SPTA1: variants seen among roughly 807,000 people sequenced by gnomAD.
The protein encoded by SPTA1 is spectrin alpha, erythrocytic 1.
In SPTA1, 177 loss-of-function variants were observed where a neutral mutation model predicts 324.7. That is an observed-to-expected ratio of 0.55 (90% CI 0.48 to 0.62). SPTA1 has a LOEUF of 0.62. SPTA1 is among the 20% of genes least tolerant of loss of function. SPTA1 has a pLI of 0.00. For synonymous variants in SPTA1, 1,195 were observed against 1,041.3 expected (o/e 1.15, Z -2.84); for missense variants, 3,162 against 2,883.6 (o/e 1.10, Z -2.21).
intron 2 of SPTA1, among the ~76,000 whole-genome samples, chr1:158,683,824 A>C (rs201405930): frequency 1.5e-5 from 2 of 136,724 alleles, no homozygotes; most frequent in African/African-American, 5.2e-5. Context: ...GAGAAAGATG[A>C]TAGTTATAAT....
chr1:158,642,885 G>C lies in SPTA1; in HGVS notation c.4534C>G (p.Leu1512Val). The change falls in exon 32 of 52, where the codon CTG becomes GTG. Residue 1512 changes from leucine to valine, a missense_variant. Physicochemically the swap from Leu to Val is conservative, Grantham distance 32. Transcript: ENST00000643759. ...LKQFYRDLEE[L>V]EEWISEMLPT... ...AGCATCTCACTGATCCATTCTTCCA[G>C]CTCCTCAAGGTCTCGGTAGAATTGT... is the stretch of plus-strand genomic sequence containing the variant. 6.2e-7 allele frequency: 1 copy of C among 1,613,762 alleles called. No homozygotes were observed. The highest frequency in any genetic ancestry group is 8.5e-7 in the Non-Finnish European group (1 of 1,179,820).
In SPTA1 at chr1:158,666,379, C is replaced by A; in HGVS notation, c.2157G>T (p.Leu719=). 1.2e-6 allele frequency: 2 copies of A among 1,613,938 alleles called. No individual in the cohort carries two copies. The highest frequency in any genetic ancestry group is 3.3e-4 in the Middle Eastern group (2 of 6,060). Reference sequence around the variant, plus strand: ...TCCTGAGTCGATTCTGTACCTCGGCCAGGCCTTTCCCATAATCCTCAGAGG... The same window carrying A: ...TCCTGAGTCGATTCTGTACCTCGGCAAGGCCTTTCCCATAATCCTCAGAGG... The part of the protein sequence containing the change: ...QVTSEDYGKG[L]AEVQNRLRKH... The change falls in exon 16 of 52, where the codon CTG becomes CTT. Residue 719 remains leucine (L), a synonymous_variant. Transcript: ENST00000643759.
At chr1:158,661,098 G>A (rs2101888117) in intron 18 of SPTA1, among the ~76,000 whole-genome samples, 189 bp downstream of exon 18, 1 of 152,224 alleles carries the variant, frequency 6.6e-6, no homozygotes, top group Non-Finnish European at 1.5e-5. Flanking sequence ...TCACAGGATT[G>A]GAATATTCCT....
At chr1:158,668,637 C>T (rs1187266374) in intron 14 of SPTA1, among the ~76,000 whole-genome samples, 1 of 152,120 alleles carries the variant, frequency 6.6e-6, no homozygotes, top group Non-Finnish European at 1.5e-5. Flanking sequence ...AAGCCTAATT[C>T]TCATCCTGAT....
At chr1:158,639,509 C>A (rs1045513406) in intron 35 of SPTA1, 73 bp downstream of exon 35, 2 of 1,489,960 alleles carry the variant, frequency 1.3e-6, no homozygotes, top group Non-Finnish European at 1.9e-6. Context: ...CAAATGGTCT[C>A]CTAACATGGG....
chr1:158,613,005 GA>G (rs1262397222), intron 50 of SPTA1, 44 bp from the exon 51 acceptor site: 2 of 1,606,254 alleles, frequency 1.2e-6, no homozygotes, highest in South Asian at 2.2e-5. Context: ...TCAAGGCAGA[GA>G]AGGAAGTCCC....
intron 39 of SPTA1, among the ~76,000 whole-genome samples, chr1:158,629,374 G>T (rs1650529577): frequency 6.6e-6 from 1 of 151,728 alleles, no homozygotes; most frequent in Admixed American, 6.6e-5. Flanking sequence ...TGCAAGGATG[G>T]TTCAACATAT....
At chr1:158,613,195 C>T (rs961193404) in intron 50 of SPTA1, among the ~76,000 whole-genome samples, 1 of 151,868 alleles carries the variant, frequency 6.6e-6, no homozygotes, top group Admixed American at 6.6e-5. Context: ...AAGCTCCAGA[C>T]TCTGTTTCAA....
rs1302947634 is a variant in SPTA1 at position 158,653,210 on chromosome 1, G to C, written c.3188+64C>G. ...TCTAACAGATGCAGGGTCATGAGAA[G>C]AAATGCCTTTGGCGAAAAATGTCTG... On this transcript the variant is annotated intron_variant, in intron 22 of 51. Coordinates refer to ENST00000643759, the MANE Select transcript of SPTA1 (RefSeq NM_003126.4). The C allele has an allele frequency of 2.5e-6, 4 of 1,611,380 alleles. No individual in the cohort carries two copies. In the Admixed American group the frequency reaches 6.7e-5, roughly 27 times the overall value.
intron 16 of SPTA1, among the ~76,000 whole-genome samples, chr1:158,663,781 G>A (rs928863858): frequency 6.6e-6 from 1 of 152,004 alleles, no homozygotes. Context: ...AGGTTGATGG[G>A]TGCAGCAAAC....
At chr1:158,652,137 A>G (rs139635814) in intron 23 of SPTA1, among the ~76,000 whole-genome samples, 8 of 152,274 alleles carry the variant, frequency 5.3e-5, no homozygotes, top group African/African-American at 1.7e-4. Context: ...AACTTTACAC[A>G]TGGTACAACA....
At chr1:158,681,468 G>C in intron 4 of SPTA1, 59 bp downstream of exon 4, 1 of 1,611,838 alleles carries the variant, frequency 6.2e-7, no homozygotes, top group Non-Finnish European at 8.5e-7. Context: ...AATTTGCTAT[G>C]GGGTACCTGG....
intron 21 of SPTA1, 59 bp from the exon 22 acceptor site, chr1:158,653,484 GA>G: frequency 6.2e-7 from 1 of 1,607,988 alleles, no homozygotes; most frequent in Non-Finnish European, 8.5e-7. Flanking sequence ...ACAAACGGGA[GA>G]GACTTCAACA....
chr1:158,659,981 G>A (rs1448082309), intron 18 of SPTA1, among the ~76,000 whole-genome samples: 1 of 151,806 alleles, frequency 6.6e-6, no homozygotes, highest in Non-Finnish European at 1.5e-5. Flanking sequence ...ACCCTAAAAG[G>A]ACTCCAAATC....
intron 5 of SPTA1, 102 bp from the exon 6 acceptor site, chr1:158,678,636 G>T (rs944415104): frequency 5.0e-6 from 7 of 1,394,922 alleles, no homozygotes; most frequent in Middle Eastern, 2.2e-4. Context: ...TTTTACAGAA[G>T]TGAAAACTGA....
At position 158,643,345 on chromosome 1, in the gene SPTA1, C is replaced by G. The variant is rs771135166; in HGVS notation, c.4419G>C (p.Thr1473=). The change falls in exon 31 of 52, where the codon ACG becomes ACC. Residue 1473 remains threonine, a synonymous_variant. Transcript: ENST00000643759. ...DEHYAKEEIA[T]RLQRVLDRWK... ...ACCTGTCTAGTACACGTTGGAGCCG[C>G]GTAGCAATCTCTTCTTTGGCATAGT... 1 of 1,613,740 alleles carries G rather than the reference C, an allele frequency of 6.2e-7. No individual in the cohort carries two copies. The highest frequency in any genetic ancestry group is 1.3e-5 in the African/African-American group (1 of 74,892).
chr1:158,667,054 T>C (rs1201944478), intron 15 of SPTA1, among the ~76,000 whole-genome samples: 1 of 152,210 alleles, frequency 6.6e-6, no homozygotes, highest in African/African-American at 2.4e-5. Context: ...ATTATTTGCA[T>C]TATTTCTGCA....
chr1:158,641,202 A>C (rs1651541371), intron 33 of SPTA1, among the ~76,000 whole-genome samples: 1 of 152,176 alleles, frequency 6.6e-6, no homozygotes, highest in African/African-American at 2.4e-5. Context: ...AAACCATAAA[A>C]ACCCTAGAAG....
At chr1:158,612,687 T>C (rs1232453106) in intron 51 of SPTA1, 130 bp downstream of exon 51, 2 of 965,200 alleles carry the variant, frequency 2.1e-6, no homozygotes, top group Non-Finnish European at 3.3e-6. Flanking sequence ...GCAAATGACA[T>C]CTTGTGAAAG....
Sources: gnomAD v4.1 joint callset for allele counts (sites outside exome capture counted in the v4.1 genomes callset) on GRCh38, gnomAD v4.1.1 for gene constraint, MANE v1.5 for transcripts, NCBI Gene and HGNC (gene_info 2026-07-23, HGNC 2026-07-21) for gene names.